Variants in EDRF1 observed in about 807,000 individuals in gnomAD.
EDRF1 encodes the protein erythroid differentiation-related factor 1.
In EDRF1, 69 loss-of-function variants were observed where a neutral mutation model predicts 148.7. That is an observed-to-expected ratio of 0.46 (90% confidence interval 0.38 to 0.57). EDRF1 has a LOEUF of 0.57. Among genes scored for constraint, EDRF1 ranks in the 20% least tolerant of loss-of-function variants. The pLI is 0.00. For synonymous variants in EDRF1, 515 were observed against 532.8 expected, an observed-to-expected ratio of 0.97 and a Z score of 0.46; for missense variants, 1,118 against 1,478.7, an observed-to-expected ratio of 0.76 and a Z score of 4.00.
chr10:125,738,976 T>G (rs1305219182), intron 15 of EDRF1, among the ~76,000 whole-genome samples: 1 of 152,234 alleles, frequency 6.6e-6, no homozygotes, highest in Non-Finnish European at 1.5e-5. Flanking sequence ...AATGTCACTT[T>G]TAAATTATCT....
chr10:125,740,257 G>A (rs1336681260), intron 15 of EDRF1, among the ~76,000 whole-genome samples: 3 of 152,178 alleles, frequency 2.0e-5, no homozygotes, highest in Non-Finnish European at 4.4e-5. Context: ...CCGATGTCAG[G>A]GAAGCAGAAG....
intron 9 of EDRF1, among the ~76,000 whole-genome samples, chr10:125,733,075 G>A (rs1848549132): frequency 6.6e-6 from 1 of 152,094 alleles, no homozygotes; most frequent in Non-Finnish European, 1.5e-5. Flanking sequence ...CTTCCCAGTT[G>A]AAAACCATTC....
In EDRF1 at chr10:125,745,873, T is replaced by C. The variant is rs1433293925; in HGVS notation, c.2757T>C (p.Gly919=). ...GGATTTGTGCGCAGGCCCACTGTGGTGCAGGGGATGAACTGAAACGTGAAT... is the reference window on the plus strand; with the variant it reads ...GGATTTGTGCGCAGGCCCACTGTGGCGCAGGGGATGAACTGAAACGTGAAT... ...LMRICAQAHC[G]AGDELKREFS... The change falls in exon 19 of 25, where the codon GGT becomes GGC. Residue 919 remains glycine (G), a synonymous_variant. Coordinates refer to ENST00000356792, the MANE Select transcript of EDRF1 (RefSeq NM_001202438.2). The C allele has an allele frequency of 1.9e-6, 3 of 1,614,144 alleles. No individual in the cohort carries two copies. Among genetic ancestry groups the C allele is most frequent in the Non-Finnish European group, 2.5e-6 (3 of 1,180,058 alleles).
At position 125,763,529 on chromosome 10, in the gene EDRF1, G is replaced by A; in HGVS notation, c.*57G>A. On this transcript the variant is annotated 3_prime_UTR_variant, in exon 25 of 25. Coordinates refer to ENST00000356792, the MANE Select transcript of EDRF1 (RefSeq NM_001202438.2). This position sits in a 1 kb window ranked among gnomAD's most constrained non-coding sequence, Gnocchi z 4.3. Reference sequence around the variant, plus strand: ...AGTGCCTTCAACACGGAGCCGGTTTGTTCATTCGGTGCTTTGTTTCATTAA... The same window carrying A: ...AGTGCCTTCAACACGGAGCCGGTTTATTCATTCGGTGCTTTGTTTCATTAA... 1 of 1,543,544 alleles carries A rather than the reference G, an allele frequency of 6.5e-7. No homozygotes were observed. The highest frequency in any genetic ancestry group is 1.1e-5 in the South Asian group (1 of 88,370).
chr10:125,744,848 G>A (rs560338935), intron 18 of EDRF1: 28 of 152,366 alleles, frequency 1.8e-4, no homozygotes, highest in African/African-American at 6.5e-4. Flanking sequence ...GTGGATGCCT[G>A]AAACTGGAGA....
At position 125,763,816 on chromosome 10, in the gene EDRF1, T is replaced by C; in HGVS notation, c.*344T>C. On this transcript the variant is annotated 3_prime_UTR_variant, in exon 25 of 25. Coordinates refer to ENST00000356792, the MANE Select transcript of EDRF1 (RefSeq NM_001202438.2). The surrounding 1 kb of genome is among the most constrained non-coding windows in gnomAD (Gnocchi z 4.3). Reference sequence around the variant, plus strand: ...GGGTCTAAGATATGATTATTTTGGATAAAATGTTACTTTGGTCAAGAGAAC... The same window carrying C: ...GGGTCTAAGATATGATTATTTTGGACAAAATGTTACTTTGGTCAAGAGAAC... The C allele has an allele frequency of 3.1e-6, 1 of 321,352 alleles. No individual in the cohort carries two copies. The highest frequency in any genetic ancestry group is 5.9e-6 in the Non-Finnish European group (1 of 169,104). The allele number at this position is 321,352 out of a possible 1,614,324, so 19.9% of individuals were successfully genotyped here. A position where few individuals can be genotyped will look rare whatever the true frequency, so the allele number is the denominator to read the frequency against.
At position 125,719,824 on chromosome 10, in the gene EDRF1, A is replaced by G. The variant is rs867119106; in HGVS notation, c.17A>G (p.Glu6Gly). The G allele has an allele frequency of 1.9e-6, 3 of 1,611,286 alleles. No homozygotes were observed. The highest frequency in any genetic ancestry group is 1.7e-6 in the Non-Finnish European group (2 of 1,179,134). MGDAK[E>G]AGAEGPPAGA... ...ATCGAAGTGATGGGGGATGCCAAGG[A>G]GGCCGGAGCCGAGGGTCCGCCGGCC... is the stretch of plus-strand genomic sequence containing the variant. Residue 6 changes from glutamate (E) to glycine (G), a missense_variant, in exon 1 of 25, where the codon GAG becomes GGG. Physicochemically the swap from Glu to Gly is moderately conservative, Grantham distance 98. This residue lies in a region of EDRF1 where 65 missense variants were observed against 50.3 expected (regional missense o/e 1.29). Transcript: ENST00000356792.
chr10:125,726,951 A>C (rs1301865849), intron 6 of EDRF1, among the ~76,000 whole-genome samples: 1 of 152,154 alleles, frequency 6.6e-6, no homozygotes, highest in African/African-American at 2.4e-5. Flanking sequence ...ACTCTTGGAG[A>C]GTCGGGAATC....
Position 125,738,349 on chromosome 10 carries a change from G to A in EDRF1, c.1885G>A (p.Asp629Asn). The A allele has an allele frequency of 1.2e-5, 19 of 1,614,100 alleles. No homozygotes were observed. Among genetic ancestry groups the A allele is most frequent in the Non-Finnish European group, 1.6e-5 (19 of 1,180,004 alleles). Residue 629 changes from aspartate to asparagine, a missense_variant, in exon 15 of 25, where the codon GAC becomes AAC. By Grantham distance (23) the Asp-to-Asn change is conservative (BLOSUM62 1). This residue lies in a region of EDRF1 where 954 missense variants were observed against 1,241.4 expected (regional missense o/e 0.77). Transcript: ENST00000356792. ...AAAAGAAAGCGACCTTCCAGCAGCT[G>A]ACCCCAGCACTCCAATCCCGTTAAA... ...IKKESDLPAADPSTPIPLKYE... is the reference protein window; with the variant it reads ...IKKESDLPAANPSTPIPLKYE...
intron 18 of EDRF1, among the ~76,000 whole-genome samples, chr10:125,744,274 A>G (rs548415308): frequency 6.6e-6 from 1 of 150,660 alleles, no homozygotes; most frequent in East Asian, 2.0e-4. Flanking sequence ...GCTAGAATGC[A>G]GTGGCATAAT....
chr10:125,750,026 A>G (rs1849559863), intron 22 of EDRF1, among the ~76,000 whole-genome samples: 1 of 152,218 alleles, frequency 6.6e-6, no homozygotes, highest in Non-Finnish European at 1.5e-5. Context: ...CTGTAGTCCC[A>G]GCTACTGAGG....
chr10:125,728,942 G>A (rs1366471770), intron 6 of EDRF1, 61 bp from the exon 7 acceptor site: 2 of 1,313,916 alleles, frequency 1.5e-6, no homozygotes, highest in Non-Finnish European at 2.1e-6. Context: ...ACTCTCAAAA[G>A]TGGGTCAATT....
chr10:125,753,542 A>G lies in EDRF1; in HGVS notation c.3394-152A>G, dbSNP rs868285554. On this transcript the variant is annotated intron_variant, in intron 23 of 24. Coordinates refer to ENST00000356792, the MANE Select transcript of EDRF1 (RefSeq NM_001202438.2). ...ACATTTTAATTATGTGTTTTAGTCT[A>G]TCAAAATGATCATAGGTGTGCTTTT... 21 of 819,116 alleles carry G rather than the reference A, an allele frequency of 2.6e-5. No individual in the cohort carries two copies. The Middle Eastern group carries it at 8.3e-4, about 32-fold the overall frequency. 50.7% of individuals were successfully genotyped at this position (819,116 alleles called of 1,614,324 possible).
At chr10:125,733,137 A>T (rs550437590) in intron 9 of EDRF1, among the ~76,000 whole-genome samples, 6 of 152,346 alleles carry the variant, frequency 3.9e-5, no homozygotes, top group Admixed American at 2.0e-4. Context: ...AACAGAAATA[A>T]GATCATGCCT....
chr10:125,719,965 C>T (rs773542299), intron 1 of EDRF1, 50 bp downstream of exon 1: 17 of 1,541,228 alleles, frequency 1.1e-5, no homozygotes, highest in Non-Finnish European at 1.4e-5. Context: ...AGCGGAGGAC[C>T]CGCTCCACCG....
At chr10:125,740,750 A>G in intron 16 of EDRF1, 99 bp downstream of exon 16, 2 of 1,342,296 alleles carry the variant, frequency 1.5e-6, no homozygotes, top group Non-Finnish European at 2.1e-6. Flanking sequence ...TTTTCTAGTA[A>G]ATCTTTATTT....
chr10:125,722,962 G>A, intron 2 of EDRF1, 106 bp from the exon 3 acceptor site: 1 of 988,790 alleles, frequency 1.0e-6, no homozygotes, highest in Non-Finnish European at 1.6e-6. Flanking sequence ...TTAAAATGTG[G>A]AAAATGTGTA....
chr10:125,751,126 G>A (rs1849613483), intron 22 of EDRF1, among the ~76,000 whole-genome samples: 1 of 151,970 alleles, frequency 6.6e-6, no homozygotes, highest in Non-Finnish European at 1.5e-5. Flanking sequence ...GTAGAGACAG[G>A]GTCTCACTAT....
In EDRF1 at chr10:125,719,841, C is replaced by A; in HGVS notation, c.34C>A (p.Pro12Thr). The stretch of plus-strand genomic sequence containing the variant: ...TGCCAAGGAGGCCGGAGCCGAGGGT[C>A]CGCCGGCCGGGGCCGCCGCTCGAGG... ...GDAKEAGAEG[P>T]PAGAAARGGL... Residue 12 changes from proline (P) to threonine (T), a missense_variant, in exon 1 of 25, where the codon CCG (proline) becomes ACG (threonine). Pro to Thr is a conservative substitution (Grantham distance 38). Transcript: ENST00000356792. The A allele has an allele frequency of 6.2e-7, 1 of 1,612,236 alleles. No homozygotes were observed. The highest frequency in any genetic ancestry group is 8.5e-7 in the Non-Finnish European group (1 of 1,179,590).
Sources: gnomAD v4.1 joint callset for allele counts (sites outside exome capture counted in the v4.1 genomes callset) on GRCh38, gnomAD v4.1.1 for gene constraint, gnomAD v4.1.1 regional missense constraint, Gnocchi (gnomAD v3.1) non-coding constraint, MANE v1.5 for transcripts, NCBI Gene and HGNC (gene_info 2026-07-23, HGNC 2026-07-21) for gene names.